Variants in SGSH observed in about 807,000 individuals in gnomAD.
SGSH encodes the protein heparan sulfate sulfatase.
SGSH carries 48 observed loss-of-function variants against 51.0 expected under a neutral mutation model. That is an observed-to-expected ratio of 0.94 (90% CI 0.75 to 1.20). SGSH has a LOEUF of 1.20. Among genes scored for constraint, SGSH ranks in the 50% most tolerant of loss-of-function variants. The pLI, the probability that SGSH is intolerant of heterozygous loss-of-function variation, is 0.00. For synonymous variants in SGSH, 321 were observed against 313.4 expected, an observed-to-expected ratio of 1.02 and a Z score of -0.26; for missense variants, 662 against 717.8, an observed-to-expected ratio of 0.92 and a Z score of 0.89.
In SGSH at chr17:80,209,363, G is replaced by A; in HGVS notation, c.*1089C>T. 1 of 985,260 alleles carries A rather than the reference G, an allele frequency of 1.0e-6. No homozygotes were observed. Among genetic ancestry groups the A allele is most frequent in the Non-Finnish European group, 1.2e-6 (1 of 829,792 alleles). 61.0% of individuals were successfully genotyped at this position (985,260 alleles called of 1,614,324 possible). A position where few individuals can be genotyped will look rare whatever the true frequency, so the allele number is the denominator to read the frequency against. ...CTGTGGCCTCCTCCAGCCCACCCCA[G>A]TATGGAGTGATAGGGAGGGAAGGGC... On this transcript the variant is annotated 3_prime_UTR_variant, in exon 8 of 8. Coordinates refer to ENST00000326317, the MANE Select transcript of SGSH (RefSeq NM_000199.5).
chr17:80,204,161 C>T, downstream of SGSH: 2 of 1,477,338 alleles, frequency 1.4e-6, no homozygotes, highest in Non-Finnish European at 1.8e-6. Context: ...ATCATCTCCC[C>T]TGAATTCCCA....
At chr17:80,214,389 C>T (rs987815907) in intron 4 of SGSH, 61 bp from the exon 5 acceptor site, 38 of 1,570,598 alleles carry the variant, frequency 2.4e-5, no homozygotes, top group Admixed American at 3.5e-5. Flanking sequence ...CACAGGAAGC[C>T]CCTCGGCTCT....
rs1050787203 is a variant in SGSH at position 80,212,865 on chromosome 17, G to C, written c.746-591C>G. On this transcript the variant is annotated intron_variant, in intron 6 of 7. Transcript: ENST00000326317. This position sits in a 1 kb window ranked among gnomAD's most constrained non-coding sequence, Gnocchi z 5.9. ...GGACAAAATCATCCTGAAGTGCTCA[G>C]GTAGGCCCTAAACCCGACGGGGTCC... 6.7e-5 allele frequency: 12 copies of C among 178,836 alleles called. No individual in the cohort carries two copies. In the East Asian group the frequency reaches 1.0e-3, roughly 15 times the overall value. 11.1% of individuals were successfully genotyped at this position (178,836 alleles called of 1,614,324 possible).
At chr17:80,206,230 C>A (rs8068719), downstream of SGSH, among the ~76,000 whole-genome samples, 21 of 152,000 alleles carry the variant, frequency 1.4e-4, no homozygotes, top group Non-Finnish European at 2.8e-4. Flanking sequence ...TTTGGGAACC[C>A]GAGGTGGGAG....
rs1598745684 is a variant in SGSH, at chr17:80,213,459, A to C, written c.745+345T>G. On this transcript the variant is annotated intron_variant, in intron 6 of 7. Transcript: ENST00000326317. The surrounding 1 kb of genome is among the most constrained non-coding windows in gnomAD (Gnocchi z 4.6). Reference sequence around the variant, plus strand: ...TTGGTTGCTGTAAGCCATCAACCACAAAAAACTCACAGACCTCAAGATCTC... The same window carrying C: ...TTGGTTGCTGTAAGCCATCAACCACCAAAAACTCACAGACCTCAAGATCTC... The C allele has an allele frequency of 2.8e-6, 1 of 360,544 alleles. No individual in the cohort carries two copies. The highest frequency in any genetic ancestry group is 2.1e-5 in the African/African-American group (1 of 47,834). The allele number at this position is 360,544 out of a possible 1,614,324, so 22.3% of individuals were successfully genotyped here.
downstream of SGSH, chr17:80,206,815 C>T: frequency 2.3e-6 from 1 of 441,838 alleles, no homozygotes; most frequent in African/African-American, 2.0e-5. Context: ...AAGTGGCAAG[C>T]TCTATTCCCT....
At chr17:80,201,997 T>C (rs2041003100), downstream of SGSH, 1 of 1,363,654 alleles carries the variant, frequency 7.3e-7, no homozygotes, top group Non-Finnish European at 1.0e-6. The surrounding 1 kb of genome is among the most constrained non-coding windows in gnomAD (Gnocchi z 5.0). Flanking sequence ...TCAGCCAGGC[T>C]GTGCCCCAGG....
chr17:80,201,805 A>G (rs763051356), downstream of SGSH: 1 of 1,613,802 alleles, frequency 6.2e-7, no homozygotes, highest in Non-Finnish European at 8.5e-7. The surrounding 1 kb of genome is among the most constrained non-coding windows in gnomAD (Gnocchi z 5.0). Flanking sequence ...ACCCTGGAGG[A>G]GGCCGTGGGG....
chr17:80,205,236 C>T (rs1867038), downstream of SGSH: 1 of 1,570,002 alleles, frequency 6.4e-7, no homozygotes, highest in Non-Finnish European at 8.7e-7. Context: ...CCCTCTACCC[C>T]TTCCACCTTC....
At position 80,209,346 on chromosome 17, in the gene SGSH, T is replaced by A; in HGVS notation, c.*1106A>T. 1 of 985,416 alleles carries A rather than the reference T, an allele frequency of 1.0e-6. No individual in the cohort carries two copies. The highest frequency in any genetic ancestry group is 1.2e-6 in the Non-Finnish European group (1 of 829,916). The allele number at this position is 985,416 out of a possible 1,614,324, so 61.0% of individuals were successfully genotyped here. A position where few individuals can be genotyped will look rare whatever the true frequency, so the allele number is the denominator to read the frequency against. Reference sequence around the variant, plus strand: ...CTTTTACAATAGCTGGCCTGTGGCCTCCTCCAGCCCACCCCAGTATGGAGT... The same window carrying A: ...CTTTTACAATAGCTGGCCTGTGGCCACCTCCAGCCCACCCCAGTATGGAGT... On this transcript the variant is annotated 3_prime_UTR_variant, in exon 8 of 8. Coordinates refer to ENST00000326317, the MANE Select transcript of SGSH (RefSeq NM_000199.5).
rs779856036 is a variant in SGSH, at chr17:80,210,462, T to C, written c.1499A>G (p.Asn500Ser). 5.0e-6 allele frequency: 8 copies of C among 1,595,514 alleles called. No homozygotes were observed. The highest frequency in any genetic ancestry group is 2.7e-5 in the African/African-American group (2 of 74,876). The change falls in exon 8 of 8, where the codon AAT (asparagine) becomes AGT (serine). Residue 500 changes from asparagine to serine, a missense_variant. Asn to Ser is a conservative substitution (Grantham distance 46). Coordinates refer to ENST00000326317, the MANE Select transcript of SGSH (RefSeq NM_000199.5). Reference sequence around the variant, plus strand: ...GGCCTCCTGGGATGGTCACAGCTCATTGTGGAGGGGCTGGCACTGGGGAGA... The same window carrying C: ...GGCCTCCTGGGATGGTCACAGCTCACTGTGGAGGGGCTGGCACTGGGGAGA... ...KLSPQCQPLH[N>S]EL
chr17:80,217,161 G>C lies in SGSH; in HGVS notation c.120C>G (p.Tyr40Ter), dbSNP rs562933313. 1 of 1,601,298 alleles carries C rather than the reference G, an allele frequency of 6.2e-7. No homozygotes were observed. Among genetic ancestry groups the C allele is most frequent in the African/African-American group, 1.3e-5 (1 of 74,918 alleles). ...ADDGGFESGA[Y>*]NNSAIATPHL... ...GCGGGGTGGCGATGGCGCTGTTGTT[G>C]TACGCGCCACTCTCAAAGCCTCCGT... is the stretch of plus-strand genomic sequence containing the variant. Residue 40 changes from tyrosine (Y) to a stop codon, truncating the protein, a stop_gained, in exon 2 of 8, where the codon TAC (tyrosine) becomes TAG (stop). Transcript: ENST00000326317. LOFTEE classifies it high-confidence loss of function.
chr17:80,214,103 C>T (rs977576958), intron 5 of SGSH, 69 bp downstream of exon 5: 32 of 1,543,790 alleles, frequency 2.1e-5, no homozygotes, highest in Middle Eastern at 1.7e-4. Context: ...GGGCTGCAAG[C>T]TCGTAGGAGG....
chr17:80,205,542 CAGG>C (rs2041252411), downstream of SGSH: 4 of 1,586,328 alleles, frequency 2.5e-6, no homozygotes, highest in African/African-American at 1.3e-5. Flanking sequence ...GTACTTGAGC[CAGG>C]AGGAGTATGA....
chr17:80,203,806 C>T (rs771631762), downstream of SGSH: 12 of 1,560,430 alleles, frequency 7.7e-6, no homozygotes, highest in Non-Finnish European at 8.7e-6. This position sits in a 1 kb window ranked among gnomAD's most constrained non-coding sequence, Gnocchi z 4.6. Context: ...GTCAGGGCCT[C>T]TGCTGGTCTC....
downstream of SGSH, chr17:80,204,859 C>T (rs2041196063): frequency 3.5e-6 from 2 of 577,664 alleles, no homozygotes; most frequent in Admixed American, 6.7e-5. Flanking sequence ...AGGAGCCGCT[C>T]AGCCAGGGGC....
downstream of SGSH, chr17:80,208,478 G>A: frequency 4.9e-6 from 4 of 814,312 alleles, no homozygotes; most frequent in Middle Eastern, 7.1e-4. Flanking sequence ...CACTGGCTGG[G>A]GTCTAACCTT....
intron 4 of SGSH, 46 bp downstream of exon 4, chr17:80,214,568 TC>T (rs2041812844): frequency 6.3e-7 from 1 of 1,589,154 alleles, no homozygotes; most frequent in African/African-American, 1.3e-5. Flanking sequence ...CGGGCTGTGC[TC>T]TGGTACCGGC....
downstream of SGSH, chr17:80,205,563 A>AG: frequency 6.3e-7 from 1 of 1,583,106 alleles, no homozygotes; most frequent in Non-Finnish European, 8.6e-7. Flanking sequence ...TGAGGCCTGG[A>AG]GCCAGAGAGG....
Sources: allele counts gnomAD v4.1 joint callset (sites outside exome capture counted in the v4.1 genomes callset), GRCh38; gene constraint gnomAD v4.1.1; non-coding constraint Gnocchi (gnomAD v3.1); transcripts MANE v1.5; gene names NCBI Gene and HGNC (gene_info 2026-07-23, HGNC 2026-07-21).